Variants in ABCA5 observed in about 807,000 individuals in gnomAD.
ABCA5 encodes the protein ATP binding cassette subfamily A member 5, also known as cholesterol transporter ABCA5.
A neutral mutation model predicts 206.0 loss-of-function variants in ABCA5; 163 were observed. The ratio of observed to expected loss-of-function variants is 0.79; its 90% CI spans 0.70 to 0.90. The LOEUF (loss-of-function observed/expected upper bound fraction) is 0.90. ABCA5 is among the 40% of genes least tolerant of loss of function. The pLI, the probability that ABCA5 is intolerant of heterozygous loss-of-function variation, is 0.00. For synonymous variants in ABCA5, 609 were observed against 613.8 expected (o/e 0.99, Z 0.11); for missense variants, 1,859 against 1,912.9 (o/e 0.97, Z 0.53).
At chr17:69,277,181 A>G (rs1387569297) in intron 19 of ABCA5, among the ~76,000 whole-genome samples, 2 of 152,198 alleles carry the variant, frequency 1.3e-5, no homozygotes, top group African/African-American at 4.8e-5. Flanking sequence ...TCCTCATAGG[A>G]TAAATAGAGG....
At chr17:69,283,887 A>G in intron 18 of ABCA5, 66 bp downstream of exon 18, 1 of 1,476,976 alleles carries the variant, frequency 6.8e-7, no homozygotes. Context: ...ACATTTATAT[A>G]ATTTTTGTCT....
intron 17 of ABCA5, among the ~76,000 whole-genome samples, chr17:69,284,801 G>A (rs1226055332): frequency 6.6e-6 from 1 of 152,104 alleles, no homozygotes; most frequent in Non-Finnish European, 1.5e-5. Flanking sequence ...GAAGCTGAGG[G>A]TCAATAAGGC....
chr17:69,254,641 G>C (rs557718033), intron 31 of ABCA5, 151 bp from the exon 32 acceptor site: 4 of 529,042 alleles, frequency 7.6e-6, no homozygotes, highest in Non-Finnish European at 1.3e-5. Flanking sequence ...TTATCACTAA[G>C]TAACTGAGAC....
At chr17:69,260,091 T>C (rs918599082) in intron 27 of ABCA5, among the ~76,000 whole-genome samples, 2 of 151,910 alleles carry the variant, frequency 1.3e-5, no homozygotes, top group African/African-American at 2.4e-5. Flanking sequence ...TTTTTGCTTC[T>C]AAGACAGAAC....
intron 32 of ABCA5, 24 bp from the exon 33 acceptor site, chr17:69,253,893 G>A (rs763108205): frequency 1.9e-6 from 3 of 1,564,364 alleles, no homozygotes; most frequent in South Asian, 1.1e-5. Context: ...AATACAAAAT[G>A]AGAATACCAT....
intron 14 of ABCA5, among the ~76,000 whole-genome samples, 184 bp from the exon 15 acceptor site, chr17:69,287,935 G>T (rs993909102): frequency 6.6e-6 from 1 of 152,034 alleles, no homozygotes; most frequent in Non-Finnish European, 1.5e-5. Flanking sequence ...TTTGACATGT[G>T]AATATTTTCC....
intron 12 of ABCA5, among the ~76,000 whole-genome samples, chr17:69,290,965 TAA>T (rs1315107426): frequency 6.6e-6 from 1 of 152,040 alleles, no homozygotes; most frequent in Non-Finnish European, 1.5e-5. Flanking sequence ...AAATGATGAA[TAA>T]AAACACATAC....
intron 19 of ABCA5, among the ~76,000 whole-genome samples, chr17:69,275,413 C>G (rs2144946777): frequency 6.6e-6 from 1 of 152,084 alleles, no homozygotes; most frequent in East Asian, 1.9e-4. Flanking sequence ...TATCATACTT[C>G]AGCAATTTAT....
At chr17:69,271,629 C>T (rs1598164245) in intron 20 of ABCA5, among the ~76,000 whole-genome samples, 1 of 152,112 alleles carries the variant, frequency 6.6e-6, no homozygotes, top group Admixed American at 6.6e-5. Context: ...ATAGTAACTG[C>T]GCATATTTTA....
chr17:69,303,694 G>A (rs1232663430), intron 7 of ABCA5, among the ~76,000 whole-genome samples: 1 of 123,080 alleles, frequency 8.1e-6, no homozygotes, highest in Non-Finnish European at 1.6e-5. Flanking sequence ...GGAGGCCAAG[G>A]CAAGTGGATC....
At position 69,312,117 on chromosome 17, in the gene ABCA5, T is replaced by A. The variant is rs922976696; in HGVS notation, c.307+975A>T. ...CTATCCCATATGGCAAAAAATAACATGCTAATCTGTCATTTTCTACAATTT... is the reference window on the plus strand; with the variant it reads ...CTATCCCATATGGCAAAAAATAACAAGCTAATCTGTCATTTTCTACAATTT... On this transcript the variant is annotated intron_variant, in intron 3 of 38. Transcript: ENST00000392676. Among the ~76,000 whole-genome samples the A allele has an allele frequency of 2.0e-5, 3 of 152,206 alleles. No homozygotes were observed. The East Asian group carries it at 5.8e-4, about 29-fold the overall frequency.
intron 7 of ABCA5, chr17:69,304,043 A>G (rs1023814117): frequency 2.7e-5 from 4 of 150,552 alleles, no homozygotes; most frequent in African/African-American, 9.8e-5. Flanking sequence ...CCCTGTCTCA[A>G]AAAAGTAAAA....
intron 24 of ABCA5, among the ~76,000 whole-genome samples, chr17:69,262,636 A>G (rs1194786209): frequency 6.6e-6 from 1 of 152,100 alleles, no homozygotes; most frequent in African/African-American, 2.4e-5. Context: ...ATCACTGGTC[A>G]ATGGGCTCCT....
rs1278599661 is a variant in ABCA5, at chr17:69,261,277, TAAATA to T, written c.3430-23_3430-19del. On this transcript the variant is annotated intron_variant, in intron 25 of 38. Transcript: ENST00000392676. The stretch of plus-strand genomic sequence containing the variant: ...AACGCTGCCTAAAGAAAAAAATAAA[TAAATA>T]AAAGTGACAAAGTGTTTAGAAACTT... 3.8e-6 allele frequency: 6 copies of T among 1,578,290 alleles called. No homozygotes were observed. The highest frequency in any genetic ancestry group is 5.1e-6 in the Non-Finnish European group (6 of 1,165,526).
At chr17:69,290,129 C>T in intron 12 of ABCA5, 92 bp from the exon 13 acceptor site, 2 of 870,298 alleles carry the variant, frequency 2.3e-6, no homozygotes, top group Non-Finnish European at 3.3e-6. Flanking sequence ...TTGGTTATAA[C>T]AGACATATAA....
At chr17:69,303,222 ATCC>A (rs1308762920) in intron 7 of ABCA5, among the ~76,000 whole-genome samples, 1 of 152,120 alleles carries the variant, frequency 6.6e-6, no homozygotes, top group African/African-American at 2.4e-5. Flanking sequence ...GGTTCAGGTG[ATCC>A]TCCCACCTCA....
At chr17:69,295,772 C>T (rs144162873) in intron 10 of ABCA5, among the ~76,000 whole-genome samples, 1 of 152,054 alleles carries the variant, frequency 6.6e-6, no homozygotes, top group Non-Finnish European at 1.5e-5. Context: ...GCATTCATGA[C>T]ATACCTAACA....
intron 18 of ABCA5, among the ~76,000 whole-genome samples, chr17:69,281,876 A>T (rs938631942): frequency 6.6e-6 from 1 of 152,316 alleles, no homozygotes; most frequent in South Asian, 2.1e-4. Flanking sequence ...GATTTTAATC[A>T]TCACCCACTC....
At chr17:69,316,752 C>CA (rs960323417) in intron 1 of ABCA5, 1 of 152,014 alleles carries the variant, frequency 6.6e-6, no homozygotes, top group African/African-American at 2.4e-5. Flanking sequence ...ATTAAGACAA[C>CA]AAAAAATCTT....
Sources: allele counts gnomAD v4.1 joint callset (sites outside exome capture counted in the v4.1 genomes callset), GRCh38; gene constraint gnomAD v4.1.1; transcripts MANE v1.5; gene names NCBI Gene and HGNC (gene_info 2026-07-23, HGNC 2026-07-21).